The following SSBP3 variants were observed in gnomAD, a reference collection of about 807,000 sequenced individuals.
SSBP3 encodes the protein single-stranded DNA-binding protein 3.
In SSBP3, 5 loss-of-function variants were observed where a neutral mutation model predicts 69.6. That is an observed-to-expected ratio of 0.07 (90% CI 0.04 to 0.15). The LOEUF (loss-of-function observed/expected upper bound fraction) is 0.15, where lower values mean the gene tolerates loss of function less well. SSBP3 is among the 10% of genes least tolerant of loss of function. SSBP3 has a pLI of 1.00. For missense variants in SSBP3, 312 were observed against 534.0 expected (o/e 0.58, Z 4.10); for synonymous variants, 196 against 193.4 (o/e 1.01, Z -0.11).
intron 9 of SSBP3, among the ~76,000 whole-genome samples, chr1:54,247,817 T>A (rs562162695): frequency 2.0e-5 from 3 of 152,210 alleles, no homozygotes; most frequent in Non-Finnish European, 4.4e-5. Context: ...AGCTTCGTCC[T>A]ATTAGAATTC....
At chr1:54,281,508 C>G (rs1251656365) in exon 5 of SSBP3, 4 of 1,564,470 alleles carry the variant, frequency 2.6e-6, no homozygotes, top group Non-Finnish European at 2.6e-6. Context: ...AAGCACGGGG[C>G]TCGGGGCAGC....
rs1260491894 is a variant in SSBP3, at chr1:54,240,900, C to T, written c.856+5G>A. 6.2e-7 allele frequency: 1 copy of T among 1,612,954 alleles called. No homozygotes were observed. The highest frequency in any genetic ancestry group is 1.3e-5 in the African/African-American group (1 of 74,840). On this transcript the variant is annotated splice_donor_5th_base_variant and intron_variant, in intron 13 of 17. Transcript: ENST00000610401. ...ACCCCCCACTTTCCCCTCAAGCGCT[C>T]TTACCTGCGGGACTGGGCATAATGG...
intron 4 of SSBP3, among the ~76,000 whole-genome samples, chr1:54,282,382 G>T (rs1645410822): frequency 1.3e-5 from 2 of 152,248 alleles, no homozygotes; most frequent in Admixed American, 1.3e-4. Context: ...GGTGACGGAG[G>T]GCAGAGCGTG....
chr1:54,231,658 A>G (rs1023194928), intron 14 of SSBP3, among the ~76,000 whole-genome samples: 1 of 152,170 alleles, frequency 6.6e-6, no homozygotes, highest in Non-Finnish European at 1.5e-5. Context: ...CAGCTCTAAC[A>G]TTTAGATCTA....
At chr1:54,316,661 A>AAAATAAAT (rs201860772) in intron 4 of SSBP3, among the ~76,000 whole-genome samples, 1 of 61,026 alleles carries the variant, frequency 1.6e-5, no homozygotes, top group Non-Finnish European at 2.6e-5. Flanking sequence ...AAAAAAAAAT[A>AAAATAAAT]AAATAAATAA....
intron 14 of SSBP3, among the ~76,000 whole-genome samples, chr1:54,234,874 C>G (rs1025334509): frequency 1.3e-5 from 2 of 152,150 alleles, no homozygotes; most frequent in African/African-American, 2.4e-5. Flanking sequence ...AACAATCCTC[C>G]CGCTTCAGCC....
chr1:54,341,219 A>T (rs987201538), intron 4 of SSBP3, among the ~76,000 whole-genome samples: 2 of 152,108 alleles, frequency 1.3e-5, no homozygotes, highest in African/African-American at 4.8e-5. Context: ...TCTAGGCTCC[A>T]CGTCTTTCCA....
exon 18 of SSBP3, chr1:54,226,759 A>AG (rs1054410770): frequency 1.0e-5 from 2 of 190,682 alleles, no homozygotes; most frequent in African/African-American, 5.0e-5. Context: ...CCCCCAAAAA[A>AG]CCCCCCTGAA....
At chr1:54,310,378 T>C (rs17392972) in intron 4 of SSBP3, among the ~76,000 whole-genome samples, 14,570 of 152,024 alleles carry the variant, frequency 0.096, 938 homozygotes, top group Non-Finnish European at 0.15. Context: ...CTAAAGGCAT[T>C]GAGAGCATGG....
upstream of SSBP3, among the ~76,000 whole-genome samples, chr1:54,407,183 T>C (rs905266765): frequency 1.3e-5 from 2 of 151,422 alleles, no homozygotes; most frequent in Non-Finnish European, 2.9e-5. Context: ...ACAGGGGACT[T>C]GAATTAAGAG....
chr1:54,357,577 TG>T (rs1646889120), intron 4 of SSBP3, among the ~76,000 whole-genome samples: 1 of 152,186 alleles, frequency 6.6e-6, no homozygotes, highest in Admixed American at 6.5e-5. Context: ...AGGGGACCCA[TG>T]GGGTGAAATC....
At chr1:54,356,327 G>C (rs1043217712) in intron 4 of SSBP3, 9 of 152,326 alleles carry the variant, frequency 5.9e-5, no homozygotes, top group African/African-American at 2.2e-4. Flanking sequence ...ACGGTGCAAA[G>C]GAAACGCCGC....
chr1:54,264,058 T>C (rs1645061011), intron 5 of SSBP3, among the ~76,000 whole-genome samples: 1 of 152,180 alleles, frequency 6.6e-6, no homozygotes, highest in African/African-American at 2.4e-5. Flanking sequence ...TCCAGCATTT[T>C]GGGAGGCCGA....
At chr1:54,369,751 C>T (rs1455747499) in intron 4 of SSBP3, among the ~76,000 whole-genome samples, 1 of 151,730 alleles carries the variant, frequency 6.6e-6, no homozygotes, top group Admixed American at 6.6e-5. Context: ...TCTGAGGACG[C>T]TCAGAACAGA....
chr1:54,288,860 AC>A (rs1357986943), intron 4 of SSBP3, among the ~76,000 whole-genome samples: 1 of 151,830 alleles, frequency 6.6e-6, no homozygotes, highest in East Asian at 1.9e-4. Flanking sequence ...TACTAAAAAT[AC>A]CAAAAAAAAT....
At chr1:54,349,057 G>A (rs374892419) in intron 4 of SSBP3, among the ~76,000 whole-genome samples, 9 of 152,294 alleles carry the variant, frequency 5.9e-5, no homozygotes, top group South Asian at 2.1e-4. Context: ...CAGCAGCCTC[G>A]TCTGCAAAGA....
Position 54,280,326 on chromosome 1 carries a change from C to T in SSBP3, c.366+1112G>A, listed in dbSNP as rs188616062. Reference sequence around the variant, plus strand: ...GACGTTTGTCAGGTCTTTGCTTAGACATCTCTAGGGCCAGAGAGCCCCCTG... The same window carrying T: ...GACGTTTGTCAGGTCTTTGCTTAGATATCTCTAGGGCCAGAGAGCCCCCTG... On this transcript the variant is annotated intron_variant, in intron 5 of 17. Transcript: ENST00000610401. Among the ~76,000 whole-genome samples the T allele has an allele frequency of 3.5e-3, 530 of 152,338 alleles. 1 individual carries two copies. The highest frequency in any genetic ancestry group is 0.013 in the South Asian group (65 of 4,832).
chr1:54,386,280 T>C (rs1315701651), intron 4 of SSBP3, among the ~76,000 whole-genome samples: 1 of 152,184 alleles, frequency 6.6e-6, no homozygotes, highest in Non-Finnish European at 1.5e-5. Flanking sequence ...AAGGGCTGGG[T>C]GGCCTTCCTG....
chr1:54,295,983 T>C (rs951437545), intron 4 of SSBP3, among the ~76,000 whole-genome samples: 7 of 152,226 alleles, frequency 4.6e-5, no homozygotes, highest in Admixed American at 1.3e-4. Context: ...TGCAGGACTG[T>C]TGGTTCCAAA....
Sources: allele counts gnomAD v4.1 joint callset (sites outside exome capture counted in the v4.1 genomes callset), GRCh38; gene constraint gnomAD v4.1.1; transcripts MANE v1.5; gene names NCBI Gene and HGNC (gene_info 2026-07-23, HGNC 2026-07-21).